Variants in OSBP2 observed in about 807,000 individuals in gnomAD.
The protein encoded by OSBP2 is oxysterol binding protein 2, also known as oxysterol-binding protein 2.
Under a neutral mutation model 96.0 loss-of-function variants are expected in OSBP2, and 66 were observed. The observed-to-expected ratio is 0.69, with a 90% CI of 0.56 to 0.84. The LOEUF (loss-of-function observed/expected upper bound fraction) is 0.84. Ranked by LOEUF, OSBP2 falls within the 40% of genes least tolerant of loss-of-function variation. The pLI is 0.00. For missense variants in OSBP2, 1,038 were observed against 1,222.7 expected (o/e 0.85, Z 2.25); for synonymous variants, 525 against 520.9 (o/e 1.01, Z -0.11).
At chr22:30,837,072 G>A (rs1035114424) in intron 2 of OSBP2, among the ~76,000 whole-genome samples, 3 of 151,940 alleles carry the variant, frequency 2.0e-5, no homozygotes, top group African/African-American at 4.8e-5. Flanking sequence ...CCAACATGGC[G>A]AAACCCCATC....
chr22:30,827,908 A>C (rs186733424), intron 2 of OSBP2, among the ~76,000 whole-genome samples: 22 of 152,314 alleles, frequency 1.4e-4, no homozygotes, highest in Middle Eastern at 3.4e-3. Context: ...CTCAAGGAAG[A>C]GAGATGACTT....
At chr22:30,758,939 C>T (rs2090173860) in intron 2 of OSBP2, among the ~76,000 whole-genome samples, 1 of 152,194 alleles carries the variant, frequency 6.6e-6, no homozygotes, top group Non-Finnish European at 1.5e-5. Context: ...GCTTCACGTT[C>T]AAGCCGCACA....
At chr22:30,784,259 A>ATTTATTTATTTATTTATTTATTT (rs572271481) in intron 2 of OSBP2, among the ~76,000 whole-genome samples, 25 of 148,886 alleles carry the variant, frequency 1.7e-4, no homozygotes, top group African/African-American at 6.5e-4. Flanking sequence ...TTTATTTATT[A>ATTTATTTATTTATTTATTTATTT]ATTTATTTAT....
intron 1 of OSBP2, among the ~76,000 whole-genome samples, chr22:30,727,564 A>G (rs962543102): frequency 6.6e-6 from 1 of 152,104 alleles, no homozygotes; most frequent in African/African-American, 2.4e-5. Flanking sequence ...ACCACCCCAG[A>G]GAGGACACTG....
intron 2 of OSBP2, among the ~76,000 whole-genome samples, chr22:30,762,430 C>T (rs1392596594): frequency 6.6e-6 from 1 of 151,646 alleles, no homozygotes; most frequent in Non-Finnish European, 1.5e-5. Flanking sequence ...CGCCTGTAGT[C>T]CCAGCTACTC....
intron 2 of OSBP2, among the ~76,000 whole-genome samples, chr22:30,803,469 A>T (rs1286786776): frequency 6.6e-6 from 1 of 152,162 alleles, no homozygotes; most frequent in East Asian, 1.9e-4. Flanking sequence ...GTACCAGGAA[A>T]AGCTGTTTGC....
chr22:30,893,044 CTGTCCCTCCCTGGCTGGGGCAAGT>C (rs926725180), intron 8 of OSBP2, 54 bp from the exon 9 acceptor site: 189 of 1,558,492 alleles, frequency 1.2e-4, no homozygotes, highest in Non-Finnish European at 1.5e-4. Flanking sequence ...GCAGGGCAAG[CTGTCCCTCCCTGGCTGGGGCAAGT>C]GGAACCTGGG....
At chr22:30,757,019 C>G (rs1367823889) in intron 2 of OSBP2, among the ~76,000 whole-genome samples, 1 of 150,110 alleles carries the variant, frequency 6.7e-6, no homozygotes, top group Non-Finnish European at 1.5e-5. Context: ...ACTCCTCAAA[C>G]GCAGGGTATC....
chr22:30,817,565 A>AT (rs1476100539), intron 2 of OSBP2, among the ~76,000 whole-genome samples: 1 of 152,218 alleles, frequency 6.6e-6, no homozygotes, highest in African/African-American at 2.4e-5. Flanking sequence ...TGCACCAGCA[A>AT]TGCAGACAGA....
At chr22:30,739,060 AT>A (rs1376016288) in intron 1 of OSBP2, among the ~76,000 whole-genome samples, 1 of 152,152 alleles carries the variant, frequency 6.6e-6, no homozygotes, top group Non-Finnish European at 1.5e-5. Context: ...ATGGGAAAAG[AT>A]TTATTATGTC....
intron 1 of OSBP2, among the ~76,000 whole-genome samples, chr22:30,712,175 T>G (rs2089364210): frequency 6.6e-6 from 1 of 152,154 alleles, no homozygotes; most frequent in African/African-American, 2.4e-5. Flanking sequence ...TGGTAGTTTT[T>G]GCCTCCAGCT....
At chr22:30,902,184 GGTTC>G in intron 12 of OSBP2, 1 of 859,524 alleles carries the variant, frequency 1.2e-6, no homozygotes, top group Non-Finnish European at 1.8e-6. Flanking sequence ...TGGTGGCCAT[GGTTC>G]CCGTAGCCAG....
chr22:30,716,696 C>T (rs922855385), intron 1 of OSBP2, among the ~76,000 whole-genome samples: 1 of 152,176 alleles, frequency 6.6e-6, no homozygotes, highest in Admixed American at 6.6e-5. Context: ...CCTCAGCTTC[C>T]CAAAATGCTG....
chr22:30,724,911 C>T (rs1003304819), intron 1 of OSBP2, among the ~76,000 whole-genome samples: 17 of 151,944 alleles, frequency 1.1e-4, no homozygotes, highest in South Asian at 2.1e-4. Flanking sequence ...CAGTGGCTCA[C>T]GCCTGTAATC....
At chr22:30,693,988 G>C, upstream of OSBP2, 1 of 1,312,764 alleles carries the variant, frequency 7.6e-7, no homozygotes, top group Non-Finnish European at 1.0e-6. Flanking sequence ...AAAAAAAGCG[G>C]AAAAAAAAAT....
chr22:30,774,243 T>TC (rs2090397695), intron 2 of OSBP2, among the ~76,000 whole-genome samples: 1 of 152,178 alleles, frequency 6.6e-6, no homozygotes, highest in Admixed American at 6.5e-5. Context: ...TAAGGATAGT[T>TC]CCAGCCCTAG....
intron 12 of OSBP2, chr22:30,902,418 C>T: frequency 6.3e-7 from 1 of 1,576,172 alleles, no homozygotes. Context: ...CACTGTTGGG[C>T]AATCAGTCAC....
At chr22:30,769,605 C>A (rs755836800) in intron 2 of OSBP2, among the ~76,000 whole-genome samples, 1 of 152,078 alleles carries the variant, frequency 6.6e-6, no homozygotes, top group Non-Finnish European at 1.5e-5. Context: ...GCGGAGATTG[C>A]GCCACTACAT....
chr22:30,758,511 C>G (rs904670875), intron 2 of OSBP2, among the ~76,000 whole-genome samples: 3 of 152,150 alleles, frequency 2.0e-5, no homozygotes, highest in African/African-American at 7.2e-5. Context: ...TGAGGTAACA[C>G]CAAACAGGTG....
Sources: allele counts gnomAD v4.1 joint callset (sites outside exome capture counted in the v4.1 genomes callset), GRCh38; gene constraint gnomAD v4.1.1; transcripts MANE v1.5; gene names NCBI Gene and HGNC (gene_info 2026-07-23, HGNC 2026-07-21).